CLASP1: variants seen among roughly 807,000 people sequenced by gnomAD.
CLASP1 encodes the protein CLIP-associating protein 1.
A neutral mutation model predicts 192.3 loss-of-function variants in CLASP1; 38 were observed. That is an observed-to-expected ratio of 0.20 (90% CI 0.15 to 0.26). CLASP1 has a LOEUF of 0.26. CLASP1 is among the 10% of genes least tolerant of loss of function. CLASP1 has a pLI of 1.00. For synonymous variants in CLASP1, 691 were observed against 712.8 expected, an observed-to-expected ratio of 0.97 and a Z score of 0.49; for missense variants, 1,433 against 1,932.5, an observed-to-expected ratio of 0.74 and a Z score of 4.85.
chr2:121,530,978 T>TA (rs755338710), intron 2 of CLASP1: 4 of 700,322 alleles, frequency 5.7e-6, no homozygotes, highest in Non-Finnish European at 1.0e-5. Flanking sequence ...ACTAGAGCTT[T>TA]TGCTTTATTT....
In CLASP1 at chr2:121,421,994, G is replaced by T. The variant is rs575725170; in HGVS notation, c.2212+3145C>A. Reference sequence around the variant, plus strand: ...GTTACAGAAGAGAAGGCATAAGAGGGAGAGACCAGGAAAACATACTTGTAC... The same window carrying T: ...GTTACAGAAGAGAAGGCATAAGAGGTAGAGACCAGGAAAACATACTTGTAC... On this transcript the variant is annotated intron_variant, in intron 22 of 39. Transcript: ENST00000263710. 2.2e-3 allele frequency among the ~76,000 whole-genome samples: 338 copies of T among 152,316 alleles called. 1 individual carries two copies. The highest frequency in any genetic ancestry group is 6.6e-3 in the African/African-American group (274 of 41,566).
chr2:121,348,484 G>C, intron 38 of CLASP1, 28 bp downstream of exon 39: 1 of 1,579,876 alleles, frequency 6.3e-7, no homozygotes, highest in South Asian at 1.1e-5. Flanking sequence ...ACAGGCCGGG[G>C]GCAGGCCCCA....
intron 19 of CLASP1, among the ~76,000 whole-genome samples, chr2:121,437,447 C>A (rs942975765): frequency 6.6e-6 from 1 of 152,122 alleles, no homozygotes; most frequent in Non-Finnish European, 1.5e-5. Flanking sequence ...TCTTTAAGAT[C>A]TAGATTAAAG....
intron 33 of CLASP1, among the ~76,000 whole-genome samples, chr2:121,379,736 A>ATT (rs2071189126): frequency 6.6e-6 from 1 of 152,156 alleles, no homozygotes; most frequent in African/African-American, 2.4e-5. Flanking sequence ...TCACAATATT[A>ATT]TTTTCCATAT....
At chr2:121,608,411 C>T (rs2064735814) in intron 1 of CLASP1, among the ~76,000 whole-genome samples, 1 of 152,154 alleles carries the variant, frequency 6.6e-6, no homozygotes, top group African/African-American at 2.4e-5. Flanking sequence ...ACTACAAAAG[C>T]AAGCAAAGAC....
chr2:121,632,501 GC>G (rs1302762545), intron 1 of CLASP1, among the ~76,000 whole-genome samples: 1 of 151,872 alleles, frequency 6.6e-6, no homozygotes, highest in Non-Finnish European at 1.5e-5. Context: ...GATATGCCAT[GC>G]AACAGCATAC....
intron 1 of CLASP1, among the ~76,000 whole-genome samples, chr2:121,643,151 T>C (rs1019969789): frequency 2.0e-5 from 3 of 152,262 alleles, no homozygotes; most frequent in African/African-American, 7.2e-5. Flanking sequence ...TCTAGATTTC[T>C]TTCCCCAAAA....
chr2:121,437,786 G>A (rs1401796503), intron 19 of CLASP1, among the ~76,000 whole-genome samples: 2 of 152,166 alleles, frequency 1.3e-5, no homozygotes, highest in Non-Finnish European at 2.9e-5. Flanking sequence ...CACATCAAAT[G>A]CCCAAGGACC....
intron 34 of CLASP1, among the ~76,000 whole-genome samples, chr2:121,370,384 G>A (rs975772639): frequency 3.9e-5 from 6 of 152,140 alleles, no homozygotes; most frequent in Non-Finnish European, 8.8e-5. Flanking sequence ...GAGTGTAAAT[G>A]GTGCAATCTC....
chr2:121,451,019 A>G, intron 15 of CLASP1, 29 bp from the exon 16 acceptor site: 2 of 1,396,182 alleles, frequency 1.4e-6, no homozygotes, highest in Middle Eastern at 1.9e-4. Flanking sequence ...AAGCAGTAAC[A>G]ATCATAAATG....
intron 37 of CLASP1, among the ~76,000 whole-genome samples, chr2:121,362,319 C>A (rs1024881691): frequency 1.3e-5 from 2 of 152,200 alleles, no homozygotes; most frequent in Non-Finnish European, 2.9e-5. Flanking sequence ...TCTCTGTAGG[C>A]TTCTAGCCAC....
intron 1 of CLASP1, among the ~76,000 whole-genome samples, chr2:121,632,649 C>T (rs1249443356): frequency 1.3e-5 from 2 of 152,064 alleles, no homozygotes; most frequent in Admixed American, 6.6e-5. Context: ...GTAAACCCAA[C>T]ACTTTGAGAG....
At chr2:121,528,095 T>C (rs927543927) in intron 4 of CLASP1, among the ~76,000 whole-genome samples, 3 of 152,238 alleles carry the variant, frequency 2.0e-5, no homozygotes, top group African/African-American at 4.8e-5. Flanking sequence ...TTAAAACACA[T>C]TCATTTACAT....
chr2:121,514,505 T>TAA lies in CLASP1; in HGVS notation c.644+1158_644+1159dup, dbSNP rs1003135547. ...CTGAGGTTCACAAAACACAGGAACT[T>TAA]AAAAAAAAAAAACAAAACAAAAAAA... On this transcript the variant is annotated intron_variant, in intron 7 of 39. Coordinates refer to ENST00000263710, the Ensembl canonical transcript of CLASP1. Among the ~76,000 whole-genome samples, 308 of 142,298 alleles carry TAA rather than the reference T, an allele frequency of 2.2e-3. 1 individual carries two copies. The highest frequency in any genetic ancestry group is 7.5e-3 in the African/African-American group (292 of 38,980). 93.4% of individuals were successfully genotyped at this position (142,298 alleles called of 152,430 possible). A position where few individuals can be genotyped will look rare whatever the true frequency, so the allele number is the denominator to read the frequency against.
At chr2:121,536,124 G>A (rs1012284153) in intron 2 of CLASP1, among the ~76,000 whole-genome samples, 3 of 151,556 alleles carry the variant, frequency 2.0e-5, no homozygotes, top group Non-Finnish European at 4.4e-5. Flanking sequence ...GCTCACGCCT[G>A]TAATCCCAGC....
chr2:121,388,007 TAAG>T, intron 30 of CLASP1, 101 bp from the exon 32 acceptor site: 1 of 891,710 alleles, frequency 1.1e-6, no homozygotes, highest in Non-Finnish European at 1.7e-6. Context: ...AAATCACTAA[TAAG>T]AGGGCATTCT....
rs950540135 is a variant in CLASP1 at position 121,598,523 on chromosome 2, G to T, written c.195+7178C>A. On this transcript the variant is annotated intron_variant, in intron 2 of 39. Coordinates refer to ENST00000263710, the Ensembl canonical transcript of CLASP1. The stretch of plus-strand genomic sequence containing the variant: ...AAAGCCCAAAATAGGTACTATCTGG[G>T]TTTTAAGGAAAAGTTTACTAAACCC... Among the ~76,000 whole-genome samples, 3 of 152,194 alleles carry T rather than the reference G, an allele frequency of 2.0e-5. No individual in the cohort carries two copies. The South Asian group carries it at 6.2e-4, about 32-fold the overall frequency.
At chr2:121,511,948 A>T (rs2150323701) in intron 7 of CLASP1, among the ~76,000 whole-genome samples, 1 of 152,386 alleles carries the variant, frequency 6.6e-6, no homozygotes, top group South Asian at 2.1e-4. Flanking sequence ...CAAGCAAGTT[A>T]AAAATTTTAA....
chr2:121,605,281 A>G (rs1482142047), intron 2 of CLASP1, among the ~76,000 whole-genome samples: 1 of 152,176 alleles, frequency 6.6e-6, no homozygotes, highest in African/African-American at 2.4e-5. Context: ...ACCTGAAGGT[A>G]AAATGCTCCA....
Sources: allele counts gnomAD v4.1 joint callset (sites outside exome capture counted in the v4.1 genomes callset), GRCh38; gene constraint gnomAD v4.1.1; transcripts MANE v1.5; gene names NCBI Gene and HGNC (gene_info 2026-07-23, HGNC 2026-07-21).